The following KIF26B variants were observed in gnomAD, a reference collection of about 807,000 sequenced individuals.
KIF26B encodes the protein kinesin-like protein KIF26B.
Under a neutral mutation model 151.2 loss-of-function variants are expected in KIF26B, and 63 were observed. That is an observed-to-expected ratio of 0.42 (90% CI 0.34 to 0.51). The LOEUF is 0.51. Ranked by LOEUF, KIF26B falls within the 20% of genes least tolerant of loss-of-function variation. The pLI, the probability that KIF26B is intolerant of heterozygous loss-of-function variation, is 0.07. For synonymous variants in KIF26B, 1,357 were observed against 1,262.1 expected, an observed-to-expected ratio of 1.08 and a Z score of -1.59; for missense variants, 2,813 against 2,913.6, an observed-to-expected ratio of 0.97 and a Z score of 0.79.
At chr1:245,202,067 C>T (rs918791506) in intron 2 of KIF26B, among the ~76,000 whole-genome samples, 1 of 152,196 alleles carries the variant, frequency 6.6e-6, no homozygotes, top group Admixed American at 6.5e-5. Context: ...GATTGCGAGG[C>T]AGGCCATATG....
At chr1:245,390,822 ATGC>A (rs978262633) in intron 3 of KIF26B, among the ~76,000 whole-genome samples, 39 of 148,774 alleles carry the variant, frequency 2.6e-4, no homozygotes, top group Non-Finnish European at 5.0e-4. Flanking sequence ...ATGATGGTAC[ATGC>A]CTTTAGTCCA....
Position 245,516,445 on chromosome 1 carries a change from T to C in KIF26B, c.1167-24322T>C, listed in dbSNP as rs1660966902. 6.6e-6 allele frequency among the ~76,000 whole-genome samples: 1 copy of C among 152,328 alleles called. No individual in the cohort carries two copies. Among genetic ancestry groups the C allele is most frequent in the East Asian group, 1.9e-4 (1 of 5,182 alleles). On this transcript the variant is annotated intron_variant, in intron 4 of 14. Coordinates refer to ENST00000407071, the MANE Select transcript of KIF26B (RefSeq NM_018012.4). The surrounding 1 kb of genome is among the most constrained non-coding windows in gnomAD (Gnocchi z 4.2). The stretch of plus-strand genomic sequence containing the variant: ...TACTAGGCAGCTCTGTAGGGCTGTA[T>C]GTATTGATATCACATGCGTCTATAT...
At position 245,597,305 on chromosome 1, in the gene KIF26B, G is replaced by T. The variant is rs1360203208; in HGVS notation, c.1351-5272G>T. ...TCCATGTTTAGTGCTTCCTTCAGGA[G>T]CTCTTGTAAGGCAGGCCTGGTGGTG... On this transcript the variant is annotated intron_variant, in intron 5 of 14. Transcript: ENST00000407071. This position sits in a 1 kb window ranked among gnomAD's most constrained non-coding sequence, Gnocchi z 4.6. Among the ~76,000 whole-genome samples, 7 of 152,174 alleles carry T rather than the reference G, an allele frequency of 4.6e-5. No individual in the cohort carries two copies. Among genetic ancestry groups the T allele is most frequent in the Non-Finnish European group, 7.3e-5 (5 of 68,038 alleles).
chr1:245,296,483 G>A (rs1383326604), intron 2 of KIF26B, among the ~76,000 whole-genome samples: 2 of 152,122 alleles, frequency 1.3e-5, no homozygotes, highest in African/African-American at 2.4e-5. Flanking sequence ...GTGCCACCGG[G>A]CAGCTGCTGG....
At chr1:245,459,077 G>A (rs1659597798) in intron 4 of KIF26B, among the ~76,000 whole-genome samples, 2 of 152,172 alleles carry the variant, frequency 1.3e-5, no homozygotes, top group Non-Finnish European at 2.9e-5. Flanking sequence ...ACTTCCCCTT[G>A]CCTCCTGTGA....
At chr1:245,523,880 G>A (rs887516232) in intron 4 of KIF26B, among the ~76,000 whole-genome samples, 1 of 152,142 alleles carries the variant, frequency 6.6e-6, no homozygotes, top group Non-Finnish European at 1.5e-5. Context: ...TATACCATTA[G>A]ATGTGAGCCC....
Position 245,540,017 on chromosome 1 carries a change from A to G in KIF26B, c.1167-750A>G, listed in dbSNP as rs899141565. 5.9e-5 allele frequency among the ~76,000 whole-genome samples: 9 copies of G among 152,122 alleles called. No homozygotes were observed. The highest frequency in any genetic ancestry group is 1.0e-4 in the Non-Finnish European group (7 of 68,022). ...ATGGACGATGTCATTGGAACAGCCTATGTTATTAATGATGCCGGCAGCCTC... is the reference window on the plus strand; with the variant it reads ...ATGGACGATGTCATTGGAACAGCCTGTGTTATTAATGATGCCGGCAGCCTC... On this transcript the variant is annotated intron_variant, in intron 4 of 14. Transcript: ENST00000407071. The surrounding 1 kb of genome is among the most constrained non-coding windows in gnomAD (Gnocchi z 4.6).
Position 245,369,168 on chromosome 1 carries a change from T to TGAGAGAGAGGGAGA in KIF26B, c.999+1810_999+1811insGGAGAGAGAGAGAG, listed in dbSNP as rs1396163965. On this transcript the variant is annotated intron_variant, in intron 3 of 14. Transcript: ENST00000407071. ...ACTCTGAATTGGGAAAAAAGAAGAG[T>TGAGAGAGAGGGAGA]GAGAGAGAGAGAGAGAGAGAGAGAG... Among the ~76,000 whole-genome samples, 697 of 135,852 alleles carry TGAGAGAGAGGGAGA rather than the reference T, an allele frequency of 5.1e-3. 5 individuals are homozygous for TGAGAGAGAGGGAGA. The highest frequency in any genetic ancestry group is 0.017 in the African/African-American group (656 of 38,752). 89.1% of individuals were successfully genotyped at this position (135,852 alleles called of 152,430 possible).
intron 2 of KIF26B, among the ~76,000 whole-genome samples, chr1:245,328,311 C>T (rs1046500300): frequency 1.3e-5 from 2 of 151,980 alleles, no homozygotes; most frequent in Non-Finnish European, 2.9e-5. Context: ...ACTAAGGGTT[C>T]GTTGTGGCCT....
intron 4 of KIF26B, among the ~76,000 whole-genome samples, chr1:245,442,000 AG>A (rs1659117047): frequency 6.6e-6 from 1 of 152,246 alleles, no homozygotes; most frequent in African/African-American, 2.4e-5. Flanking sequence ...TCTGATCTAC[AG>A]GGCATCGTAT....
At chr1:245,651,890 T>G (rs908498983) in intron 10 of KIF26B, among the ~76,000 whole-genome samples, 2 of 152,120 alleles carry the variant, frequency 1.3e-5, no homozygotes, top group African/African-American at 4.8e-5. Flanking sequence ...CTGTCCCTGG[T>G]GCCAAAAAGG....
intron 2 of KIF26B, among the ~76,000 whole-genome samples, chr1:245,181,036 C>G (rs1034768705): frequency 2.6e-5 from 4 of 152,130 alleles, no homozygotes; most frequent in Non-Finnish European, 4.4e-5. Flanking sequence ...CATTGAGAGG[C>G]CTGAGAGCTG....
At chr1:245,340,962 CAG>C (rs1400038636) in intron 2 of KIF26B, among the ~76,000 whole-genome samples, 1 of 152,148 alleles carries the variant, frequency 6.6e-6, no homozygotes, top group East Asian at 1.9e-4. Context: ...TGGATGCAGA[CAG>C]TGGATTTGAG....
At chr1:245,620,187 G>A (rs2043642502) in intron 9 of KIF26B, among the ~76,000 whole-genome samples, 1 of 151,756 alleles carries the variant, frequency 6.6e-6, no homozygotes. Flanking sequence ...AACCACAAAG[G>A]GCCAAGGCTC....
rs987368655 is a variant in KIF26B at position 245,239,273 on chromosome 1, C to T, written c.465+82590C>T. ...AGTCCCGCAGAAAATGATGATGTTG[C>T]ACAAGGCGAAGAAGCAGATATTGAC... On this transcript the variant is annotated intron_variant, in intron 2 of 14. Transcript: ENST00000407071. This position sits in a 1 kb window ranked among gnomAD's most constrained non-coding sequence, Gnocchi z 4.3. 2.6e-5 allele frequency among the ~76,000 whole-genome samples: 4 copies of T among 152,124 alleles called. No individual in the cohort carries two copies. Among genetic ancestry groups the T allele is most frequent in the African/African-American group, 7.2e-5 (3 of 41,424 alleles).
At chr1:245,290,177 G>C (rs1671232258) in intron 2 of KIF26B, among the ~76,000 whole-genome samples, 1 of 17,972 alleles carries the variant, frequency 5.6e-5, no homozygotes, top group Non-Finnish European at 8.7e-5. Flanking sequence ...AACCTTTATT[G>C]AATGAATGAA....
At chr1:245,539,802 A>G (rs55791168) in intron 4 of KIF26B, among the ~76,000 whole-genome samples, 4,256 of 152,134 alleles carry the variant, frequency 0.028, 84 homozygotes, top group Non-Finnish European at 0.045. Flanking sequence ...ACAGGCATGC[A>G]CCACCACACC....
intron 5 of KIF26B, among the ~76,000 whole-genome samples, chr1:245,579,795 C>T (rs1228161248): frequency 6.6e-6 from 1 of 151,876 alleles, no homozygotes; most frequent in African/African-American, 2.4e-5. Context: ...TTGCGGTGAG[C>T]CGAGATTGCG....
chr1:245,196,614 C>T (rs767620152), intron 2 of KIF26B, among the ~76,000 whole-genome samples: 1 of 152,078 alleles, frequency 6.6e-6, no homozygotes, highest in African/African-American at 2.4e-5. Context: ...AGGTGATTTC[C>T]GAGAACCACT....
Sources: gnomAD v4.1 joint callset for allele counts (sites outside exome capture counted in the v4.1 genomes callset) on GRCh38, gnomAD v4.1.1 for gene constraint, Gnocchi (gnomAD v3.1) non-coding constraint, MANE v1.5 for transcripts, NCBI Gene and HGNC (gene_info 2026-07-23, HGNC 2026-07-21) for gene names.